MTHFD2L: variants seen among roughly 807,000 people sequenced by gnomAD.
MTHFD2L encodes methylenetetrahydrofolate dehydrogenase (NADP+ dependent) 2 like.
Under a neutral mutation model 34.9 loss-of-function variants are expected in MTHFD2L, and 29 were observed. That is an observed-to-expected ratio of 0.83 (90% confidence interval 0.62 to 1.13). MTHFD2L has a LOEUF of 1.13. MTHFD2L is among the 50% of genes most tolerant of loss of function. The probability of loss-of-function intolerance (pLI) is 0.00; values close to 1 mark genes in which losing one functional copy is unlikely to be tolerated. For synonymous variants in MTHFD2L, 167 were observed against 155.7 expected (o/e 1.07, Z -0.54); for missense variants, 481 against 446.5 (o/e 1.08, Z -0.70).
At chr4:74,200,048 AAATCAT>A (rs1278177358) in intron 4 of MTHFD2L, 102 bp downstream of exon 4, 1 of 1,051,972 alleles carries the variant, frequency 9.5e-7, no homozygotes, top group Admixed American at 2.4e-5. Context: ...GAGTGACAGA[AAATCAT>A]AATCCATAAA....
chr4:74,138,805 C>T (rs6849635), intron 1 of MTHFD2L, among the ~76,000 whole-genome samples: 187 of 152,234 alleles, frequency 1.2e-3, no homozygotes, highest in African/African-American at 4.3e-3. Context: ...GGGAGGGGAC[C>T]CAAAGCGGGT....
chr4:74,171,619 A>G (rs537625021), intron 1 of MTHFD2L, among the ~76,000 whole-genome samples: 89 of 152,226 alleles, frequency 5.8e-4, no homozygotes, highest in African/African-American at 2.0e-3. Context: ...CCTGGCCAAC[A>G]TAGCGAAACC....
At chr4:74,243,511 T>C (rs1452237229) in intron 6 of MTHFD2L, among the ~76,000 whole-genome samples, 1 of 152,172 alleles carries the variant, frequency 6.6e-6, no homozygotes, top group Non-Finnish European at 1.5e-5. Flanking sequence ...AAAACAAATA[T>C]TTGGTTTATT....
At chr4:74,247,093 G>A (rs906280581) in intron 6 of MTHFD2L, among the ~76,000 whole-genome samples, 1 of 147,906 alleles carries the variant, frequency 6.8e-6, no homozygotes, top group African/African-American at 2.5e-5. Flanking sequence ...TCACAATATT[G>A]ATTCTTCCTA....
At chr4:74,279,825 A>G (rs1747196596) in intron 6 of MTHFD2L, among the ~76,000 whole-genome samples, 1 of 152,162 alleles carries the variant, frequency 6.6e-6, no homozygotes, top group Non-Finnish European at 1.5e-5. Flanking sequence ...AGGATAGGAA[A>G]GCAAGGGAAA....
chr4:74,178,940 C>T (rs1193237714), intron 3 of MTHFD2L, among the ~76,000 whole-genome samples: 2 of 151,988 alleles, frequency 1.3e-5, no homozygotes, highest in Admixed American at 6.6e-5. Flanking sequence ...AATACTCTTA[C>T]CGATTATGTT....
chr4:74,139,861 A>G (rs1723174268), intron 1 of MTHFD2L, among the ~76,000 whole-genome samples: 1 of 152,008 alleles, frequency 6.6e-6, no homozygotes, highest in South Asian at 2.1e-4. Flanking sequence ...GTTTGTTGTC[A>G]TTTTTAGGTA....
chr4:74,151,648 T>G (rs959646763), intron 1 of MTHFD2L, among the ~76,000 whole-genome samples: 7 of 152,234 alleles, frequency 4.6e-5, no homozygotes, highest in African/African-American at 1.7e-4. Context: ...CATAGCAAAT[T>G]CAGGGAAACA....
intron 1 of MTHFD2L, among the ~76,000 whole-genome samples, chr4:74,142,430 C>A (rs1723333208): frequency 6.6e-6 from 1 of 152,146 alleles, no homozygotes; most frequent in Non-Finnish European, 1.5e-5. Flanking sequence ...CCTCTTTCCA[C>A]TATGTGAGAA....
At chr4:74,202,705 A>G (rs979752061) in intron 5 of MTHFD2L, among the ~76,000 whole-genome samples, 3 of 152,142 alleles carry the variant, frequency 2.0e-5, no homozygotes, top group African/African-American at 7.2e-5. Flanking sequence ...GACGTGTTGT[A>G]CTTTGTTTAC....
At chr4:74,261,719 A>G (rs775192869) in intron 6 of MTHFD2L, among the ~76,000 whole-genome samples, 5 of 152,056 alleles carry the variant, frequency 3.3e-5, no homozygotes, top group Non-Finnish European at 5.9e-5. Flanking sequence ...CCACATATTT[A>G]TAAGAATAAA....
chr4:74,179,720 C>T (rs1359910073), intron 3 of MTHFD2L, among the ~76,000 whole-genome samples: 1 of 152,054 alleles, frequency 6.6e-6, no homozygotes, highest in East Asian at 1.9e-4. Flanking sequence ...AATTGTAAAA[C>T]AATGCATATG....
chr4:74,236,564 G>A (rs1272743605), intron 6 of MTHFD2L, among the ~76,000 whole-genome samples: 1 of 152,184 alleles, frequency 6.6e-6, no homozygotes, highest in African/African-American at 2.4e-5. Context: ...TCAGGTCAAG[G>A]CAACTTATGA....
intron 3 of MTHFD2L, among the ~76,000 whole-genome samples, chr4:74,192,120 G>A (rs940485231): frequency 3.3e-5 from 5 of 151,838 alleles, no homozygotes; most frequent in Middle Eastern, 3.4e-3. Flanking sequence ...CAGAGGAGGC[G>A]GTTAAAAAAT....
chr4:74,278,889 A>G (rs997693936), intron 6 of MTHFD2L, among the ~76,000 whole-genome samples: 5 of 152,114 alleles, frequency 3.3e-5, no homozygotes, highest in Non-Finnish European at 7.4e-5. Flanking sequence ...TGAACATGGT[A>G]TTGACAAATG....
chr4:74,235,478 G>T (rs984625624), intron 6 of MTHFD2L, among the ~76,000 whole-genome samples: 1 of 152,104 alleles, frequency 6.6e-6, no homozygotes, highest in Non-Finnish European at 1.5e-5. Context: ...ATGACACTAG[G>T]TGTTATATTC....
intron 6 of MTHFD2L, among the ~76,000 whole-genome samples, chr4:74,269,454 G>A (rs1047083952): frequency 1.3e-5 from 2 of 151,884 alleles, no homozygotes; most frequent in African/African-American, 4.8e-5. Flanking sequence ...TGGGAGTTTT[G>A]AAAACTGCTA....
At position 74,201,349 on chromosome 4, in the gene MTHFD2L, G is replaced by GGA; in HGVS notation, c.695_696dup (p.His233SerfsTer11). On this transcript the variant is annotated frameshift_variant, in exon 5 of 8. Coordinates refer to ENST00000325278, the MANE Select transcript of MTHFD2L (RefSeq NM_001144978.3). LOFTEE classifies it high-confidence loss of function. ...TATTGCCATGCTTTTACACACTGATGGAGAGCATGAACGGCCAGGAGGTAG... is the reference window on the plus strand; with the variant it reads ...TATTGCCATGCTTTTACACACTGATGGAGAGAGCATGAACGGCCAGGAGGTAG... 1 of 1,613,404 alleles carries GGA rather than the reference G, an allele frequency of 6.2e-7. No homozygotes were observed. The highest frequency in any genetic ancestry group is 1.1e-5 in the South Asian group (1 of 91,002).
intron 7 of MTHFD2L, chr4:74,293,560 A>C: frequency 1.0e-6 from 1 of 976,414 alleles, no homozygotes. Flanking sequence ...CAACCAGATG[A>C]ATGTAAGAAG....
Sources: gnomAD v4.1 joint callset for allele counts (sites outside exome capture counted in the v4.1 genomes callset) on GRCh38, gnomAD v4.1.1 for gene constraint, MANE v1.5 for transcripts, NCBI Gene and HGNC (gene_info 2026-07-23, HGNC 2026-07-21) for gene names.